Variants in SUGT1 observed in about 807,000 individuals in gnomAD.
SUGT1 encodes protein SGT1 homolog.
In SUGT1, 15 loss-of-function variants were observed where a neutral mutation model predicts 56.1. The observed-to-expected ratio is 0.27, with a 90% confidence interval of 0.18 to 0.41. The LOEUF (loss-of-function observed/expected upper bound fraction) is 0.41, where lower values mean the gene tolerates loss of function less well. Ranked by LOEUF, SUGT1 falls within the 10% of genes least tolerant of loss-of-function variation. The probability of loss-of-function intolerance (pLI) is 1.00; values close to 1 mark genes in which losing one functional copy is unlikely to be tolerated. For missense variants in SUGT1, 347 were observed against 382.2 expected, an observed-to-expected ratio of 0.91 and a Z score of 0.77; for synonymous variants, 123 against 128.6, an observed-to-expected ratio of 0.96 and a Z score of 0.30.
intron 11 of SUGT1, among the ~76,000 whole-genome samples, chr13:52,679,283 G>A (rs570166131): frequency 3.0e-4 from 45 of 152,264 alleles, no homozygotes; most frequent in Admixed American, 8.5e-4. Context: ...AGCCTCTCTC[G>A]CTGCAAGCAG....
At chr13:52,672,067 A>C (rs1188501469) in intron 10 of SUGT1, among the ~76,000 whole-genome samples, 1 of 152,200 alleles carries the variant, frequency 6.6e-6, no homozygotes, top group East Asian at 1.9e-4. Flanking sequence ...TAAATGTTAC[A>C]GTACCTTTCT....
intron 12 of SUGT1, among the ~76,000 whole-genome samples, chr13:52,680,598 G>A (rs546326585): frequency 6.6e-6 from 1 of 152,104 alleles, no homozygotes; most frequent in South Asian, 2.1e-4. Context: ...TTTTTGTCAG[G>A]GCAGCATAAA....
At chr13:52,672,559 A>G (rs1385382038) in intron 10 of SUGT1, among the ~76,000 whole-genome samples, 1 of 152,220 alleles carries the variant, frequency 6.6e-6, no homozygotes. Flanking sequence ...AATTTGATGT[A>G]GCAATTAAAT....
chr13:52,658,447 C>A lies in SUGT1; in HGVS notation c.236C>A (p.Ser79Tyr). Residue 79 changes from serine (S) to tyrosine (Y), a missense_variant, in exon 4 of 13, where the codon TCC becomes TAC. Transcript: ENST00000310528. Reference protein sequence around the residue: ...KKSLELNPNNSTAMLRKGICE... With the variant: ...KKSLELNPNNYTAMLRKGICE... Reference sequence around the variant, plus strand: ...TCTCTAGAACTCAATCCAAATAATTCCACTGCTATGCTGAGAAAAGGGTAT... The same window carrying A: ...TCTCTAGAACTCAATCCAAATAATTACACTGCTATGCTGAGAAAAGGGTAT... 6.2e-7 allele frequency: 1 copy of A among 1,613,146 alleles called. No homozygotes were observed. The highest frequency in any genetic ancestry group is 8.5e-7 in the Non-Finnish European group (1 of 1,179,724).
In SUGT1 at chr13:52,681,849, A is replaced by AAG. The variant is rs1555274215; in HGVS notation, c.900+1708_900+1709dup. Among the ~76,000 whole-genome samples the AAG allele has an allele frequency of 2.2e-4, 32 of 147,214 alleles. 1 individual carries two copies. The highest frequency in any genetic ancestry group is 8.6e-4 in the South Asian group (4 of 4,658). On this transcript the variant is annotated intron_variant, in intron 12 of 12. Transcript: ENST00000310528. ...ACCCTATCTCTTTAAAAAAAAAAAA[A>AAG]AGAGAGAGAGAGAGATAGAACATTT...
At chr13:52,686,099 T>G (rs968646818) in intron 12 of SUGT1, among the ~76,000 whole-genome samples, 3 of 152,182 alleles carry the variant, frequency 2.0e-5, no homozygotes, top group African/African-American at 7.2e-5. Flanking sequence ...GGCTAATTTT[T>G]GTAGTTTTAG....
At position 52,691,540 on chromosome 13, in the gene SUGT1, C is replaced by G. The variant is rs941366354; in HGVS notation, c.*3705C>G. On this transcript the variant is annotated 3_prime_UTR_variant, in exon 13 of 13. Transcript: ENST00000310528. Reference sequence around the variant, plus strand: ...TAATGCACTTAAATTCCCTTGGAATCTTTCCTGTTCAGATTGGTGTGCATC... The same window carrying G: ...TAATGCACTTAAATTCCCTTGGAATGTTTCCTGTTCAGATTGGTGTGCATC... 2.6e-5 allele frequency: 4 copies of G among 152,132 alleles called. No individual in the cohort carries two copies. The highest frequency in any genetic ancestry group is 5.9e-5 in the Non-Finnish European group (4 of 68,020). The allele number at this position is 152,132 out of a possible 1,614,324, so 9.4% of individuals were successfully genotyped here. A position where few individuals can be genotyped will look rare whatever the true frequency, so the allele number is the denominator to read the frequency against.
In SUGT1 at chr13:52,689,971, T is replaced by C. The variant is rs9568751; in HGVS notation, c.*2136T>C. ...GCGACTCCATCTCAAAAAAAATAAA[T>C]AGCTGTTTAAAAAAAAAAAATCTGG... On this transcript the variant is annotated 3_prime_UTR_variant, in exon 13 of 13. Transcript: ENST00000310528. 0.55 allele frequency: 82,299 copies of C among 150,882 alleles called. 22,631 individuals carry two copies. The highest frequency in any genetic ancestry group is 0.75 in the East Asian group (3,848 of 5,144). 9.3% of individuals were successfully genotyped at this position (150,882 alleles called of 1,614,324 possible). A position where few individuals can be genotyped will look rare whatever the true frequency, so the allele number is the denominator to read the frequency against.
chr13:52,670,138 T>C (rs1962871436), intron 10 of SUGT1, among the ~76,000 whole-genome samples: 1 of 152,218 alleles, frequency 6.6e-6, no homozygotes, highest in Non-Finnish European at 1.5e-5. Flanking sequence ...GAATGAATGT[T>C]GCATATCCAT....
At chr13:52,686,813 G>A (rs926700639) in intron 12 of SUGT1, among the ~76,000 whole-genome samples, 6 of 152,114 alleles carry the variant, frequency 3.9e-5, no homozygotes, top group Non-Finnish European at 5.9e-5. Context: ...GCTCATGCCT[G>A]TAATCCCAGC....
At chr13:52,684,713 A>G (rs539986201) in intron 12 of SUGT1, among the ~76,000 whole-genome samples, 1 of 151,636 alleles carries the variant, frequency 6.6e-6, no homozygotes, top group South Asian at 2.1e-4. Context: ...TTTTTTGTAG[A>G]GACGAGGCCT....
At chr13:52,677,775 G>A (rs932432813) in intron 11 of SUGT1, among the ~76,000 whole-genome samples, 2 of 21,812 alleles carry the variant, frequency 9.2e-5, no homozygotes, top group Non-Finnish European at 1.7e-4. Flanking sequence ...AGTCTTTGCC[G>A]ACATGAGTAT....
At position 52,674,468 on chromosome 13, in the gene SUGT1, T is replaced by TC. The variant is rs565231096; in HGVS notation, c.628-1762_628-1761insC. Among the ~76,000 whole-genome samples the TC allele has an allele frequency of 5.6e-3, 849 of 151,708 alleles. 3 individuals are homozygous for TC. The highest frequency in any genetic ancestry group is 8.7e-3 in the Non-Finnish European group (590 of 67,910). On this transcript the variant is annotated intron_variant, in intron 10 of 12. Transcript: ENST00000310528. ...GATACCCCACATACATATACCATCA[T>TC]TTTATCTCTGATTAAAAATATTGGC... is the stretch of plus-strand genomic sequence containing the variant.
intron 1 of SUGT1, 27 bp from the exon 2 acceptor site, chr13:52,653,019 C>T (rs748766481): frequency 1.2e-6 from 2 of 1,614,198 alleles, no homozygotes; most frequent in South Asian, 1.1e-5. Flanking sequence ...CTAGTGAGCC[C>T]TGCTGAAGTC....
chr13:52,674,660 T>A (rs1232426784), intron 10 of SUGT1, among the ~76,000 whole-genome samples: 2 of 152,192 alleles, frequency 1.3e-5, no homozygotes, highest in Non-Finnish European at 2.9e-5. Context: ...TTTTTAAGTC[T>A]GCCTTTTGAT....
intron 11 of SUGT1, among the ~76,000 whole-genome samples, chr13:52,677,848 T>G (rs185426708): frequency 3.5e-4 from 53 of 152,324 alleles, no homozygotes; most frequent in Admixed American, 3.4e-3. Context: ...CTCTCAGTAG[T>G]TCATCTGCCA....
chr13:52,679,346 G>T (rs1015871579), intron 11 of SUGT1, among the ~76,000 whole-genome samples: 1 of 152,212 alleles, frequency 6.6e-6, no homozygotes, highest in African/African-American at 2.4e-5. Context: ...AGGTGTATGG[G>T]ATGTGGGCAT....
chr13:52,666,492 G>T (rs1962708319), intron 9 of SUGT1, among the ~76,000 whole-genome samples: 1 of 152,082 alleles, frequency 6.6e-6, no homozygotes, highest in South Asian at 2.1e-4. Flanking sequence ...ATCACTTTTT[G>T]TTATATATCA....
At chr13:52,660,575 G>A (rs1962397279) in intron 5 of SUGT1, among the ~76,000 whole-genome samples, 1 of 152,132 alleles carries the variant, frequency 6.6e-6, no homozygotes, top group Non-Finnish European at 1.5e-5. Flanking sequence ...AAGGATTTTA[G>A]CACTGATTAT....
Sources: gnomAD v4.1 joint callset for allele counts (sites outside exome capture counted in the v4.1 genomes callset) on GRCh38, gnomAD v4.1.1 for gene constraint, MANE v1.5 for transcripts, NCBI Gene and HGNC (gene_info 2026-07-23, HGNC 2026-07-21) for gene names.